CNGA3: variants seen among roughly 807,000 people sequenced by gnomAD.
CNGA3 encodes the protein cyclic nucleotide-gated channel alpha-3.
CNGA3 carries 42 observed loss-of-function variants against 46.6 expected under a neutral mutation model. That is an observed-to-expected ratio of 0.90 (90% CI 0.70 to 1.17). CNGA3 has a LOEUF of 1.17. Ranked by LOEUF, CNGA3 falls within the 50% of genes most tolerant of loss-of-function variation. The probability of loss-of-function intolerance (pLI) is 0.00; values close to 1 mark genes in which losing one functional copy is unlikely to be tolerated. For missense variants in CNGA3, 893 were observed against 890.7 expected (o/e 1.00, Z -0.03); for synonymous variants, 394 against 369.4 (o/e 1.07, Z -0.76).
At chr2:98,364,567 G>A (rs189868723) in intron 1 of CNGA3, among the ~76,000 whole-genome samples, 2 of 152,012 alleles carry the variant, frequency 1.3e-5, no homozygotes, top group Non-Finnish European at 2.9e-5. Flanking sequence ...ACTCCTTATC[G>A]AGCTTGCCAT....
chr2:98,347,799 C>G (rs1373348198), intron 1 of CNGA3, among the ~76,000 whole-genome samples: 1 of 152,232 alleles, frequency 6.6e-6, no homozygotes, highest in Non-Finnish European at 1.5e-5. Context: ...AGACTCCATC[C>G]CGGAGTGGAC....
At chr2:98,370,736 C>T (rs62156321) in intron 2 of CNGA3, among the ~76,000 whole-genome samples, 8,127 of 152,332 alleles carry the variant, frequency 0.053, 291 homozygotes, top group Non-Finnish European at 0.082. Flanking sequence ...AATGAAACAG[C>T]ATTTTTTCCA....
chr2:98,350,982 T>C (rs947182692), intron 1 of CNGA3: 4 of 152,264 alleles, frequency 2.6e-5, no homozygotes, highest in African/African-American at 9.6e-5. Flanking sequence ...ACAGCCACCA[T>C]AGAGAGGAGG....
chr2:98,356,231 C>T (rs1038402339), intron 1 of CNGA3, among the ~76,000 whole-genome samples: 2 of 152,134 alleles, frequency 1.3e-5, no homozygotes, highest in East Asian at 1.9e-4. Flanking sequence ...TTTGATGAAG[C>T]GAGCCTGCCC....
intron 2 of CNGA3, 62 bp downstream of exon 2, chr2:98,370,138 T>C (rs1477618234): frequency 2.2e-6 from 3 of 1,336,244 alleles, no homozygotes; most frequent in Non-Finnish European, 3.2e-6. Flanking sequence ...CCACAGCTGA[T>C]CTAGACTGTG....
At chr2:98,382,699 A>G (rs913394442) in intron 4 of CNGA3, among the ~76,000 whole-genome samples, 1 of 152,212 alleles carries the variant, frequency 6.6e-6, no homozygotes, top group Non-Finnish European at 1.5e-5. Flanking sequence ...ATAGAACATC[A>G]TGAAGTACTG....
At chr2:98,390,613 C>T (rs1692762444) in intron 6 of CNGA3, among the ~76,000 whole-genome samples, 3 of 152,154 alleles carry the variant, frequency 2.0e-5, no homozygotes, top group South Asian at 4.1e-4. Context: ...TTCCTGAGCA[C>T]GCTGTCCACC....
chr2:98,367,170 T>TGTTTTCC (rs1285825841), intron 1 of CNGA3, among the ~76,000 whole-genome samples: 2 of 119,132 alleles, frequency 1.7e-5, no homozygotes, highest in Non-Finnish European at 3.6e-5. Flanking sequence ...ATCAGCTGTT[T>TGTTTTCC]TTTTTCTTTT....
At chr2:98,386,864 G>A (rs916487555) in intron 5 of CNGA3, among the ~76,000 whole-genome samples, 2 of 152,248 alleles carry the variant, frequency 1.3e-5, no homozygotes, top group East Asian at 1.9e-4. Flanking sequence ...CCCCACAATC[G>A]CAAGAAGCTG....
At chr2:98,390,521 C>T (rs1295809538) in intron 6 of CNGA3, among the ~76,000 whole-genome samples, 6 of 152,106 alleles carry the variant, frequency 3.9e-5, no homozygotes, top group African/African-American at 7.2e-5. Flanking sequence ...AATGCAGGGA[C>T]GAGATACTGC....
rs1031220906 is a variant in CNGA3, at chr2:98,397,451, A to G, written c.*196A>G. On this transcript the variant is annotated 3_prime_UTR_variant, in exon 8 of 8. Transcript: ENST00000272602. ...TTTGTCTCAGTCCCAGTGAAGTGCC[A>G]GGTTTGATTGTGAAGTCCGCATGAA... 1.6e-6 allele frequency: 1 copy of G among 642,808 alleles called. No individual in the cohort carries two copies. Among genetic ancestry groups the G allele is most frequent in the South Asian group, 1.9e-5 (1 of 53,698 alleles). 39.8% of individuals were successfully genotyped at this position (642,808 alleles called of 1,614,324 possible).
chr2:98,383,748 T>C (rs1165764767), intron 5 of CNGA3, among the ~76,000 whole-genome samples: 2 of 152,190 alleles, frequency 1.3e-5, no homozygotes, highest in Non-Finnish European at 2.9e-5. Flanking sequence ...CCACGATATA[T>C]CTGAGGGTGC....
At chr2:98,389,809 G>A in intron 6 of CNGA3, 35 bp downstream of exon 6, 1 of 1,561,878 alleles carries the variant, frequency 6.4e-7, no homozygotes, top group South Asian at 1.1e-5. Context: ...AGCGGAAAGG[G>A]GGAAACCAGG....
In CNGA3 at chr2:98,395,830, A is replaced by G; in HGVS notation, c.674-14A>G. 1 of 1,613,676 alleles carries G rather than the reference A, an allele frequency of 6.2e-7. No individual in the cohort carries two copies. The highest frequency in any genetic ancestry group is 8.5e-7 in the Non-Finnish European group (1 of 1,179,666). The stretch of plus-strand genomic sequence containing the variant: ...GCCTCTGTGATGCCCAATGACCTCC[A>G]TCTTCTTCTTTAGGTTTTCTCGAGC... On this transcript the variant is annotated splice_polypyrimidine_tract_variant and intron_variant, in intron 7 of 7. Coordinates refer to ENST00000272602, the MANE Select transcript of CNGA3 (RefSeq NM_001298.3).
At chr2:98,377,403 A>T (rs1692429698) in intron 2 of CNGA3, 2 of 392,176 alleles carry the variant, frequency 5.1e-6, no homozygotes, top group East Asian at 5.1e-5. Context: ...CTCCCCACCC[A>T]GTGCTTTGAT....
chr2:98,359,842 G>A (rs1168931868), intron 1 of CNGA3, among the ~76,000 whole-genome samples: 2 of 152,362 alleles, frequency 1.3e-5, no homozygotes, highest in African/African-American at 4.8e-5. Context: ...AGATGGACCA[G>A]GGAAGAGTCC....
chr2:98,372,480 G>A (rs1266647842), intron 2 of CNGA3, among the ~76,000 whole-genome samples: 1 of 152,120 alleles, frequency 6.6e-6, no homozygotes, highest in Non-Finnish European at 1.5e-5. Flanking sequence ...CTGCATGGGT[G>A]AGAAAAGGTC....
chr2:98,354,019 A>G (rs1691824606), intron 1 of CNGA3, among the ~76,000 whole-genome samples: 1 of 152,214 alleles, frequency 6.6e-6, no homozygotes, highest in South Asian at 2.1e-4. Flanking sequence ...CTCCACCTCC[A>G]ACATTGGGGA....
At chr2:98,373,970 T>C (rs115657652) in intron 2 of CNGA3, among the ~76,000 whole-genome samples, 1,592 of 152,304 alleles carry the variant, frequency 0.01, 34 homozygotes, top group African/African-American at 0.036. Context: ...TAAAAATGCA[T>C]TGGCTTCAGT....
Sources: gnomAD v4.1 joint callset for allele counts (sites outside exome capture counted in the v4.1 genomes callset) on GRCh38, gnomAD v4.1.1 for gene constraint, MANE v1.5 for transcripts, NCBI Gene and HGNC (gene_info 2026-07-23, HGNC 2026-07-21) for gene names.